The following ERO1B variants were observed in gnomAD, a reference collection of about 807,000 sequenced individuals.
ERO1B encodes endoplasmic reticulum oxidoreductase 1 beta.
ERO1B carries 49 observed loss-of-function variants against 75.3 expected under a neutral mutation model. The ratio of observed to expected loss-of-function variants is 0.65; its 90% CI spans 0.52 to 0.83. The LOEUF is 0.83. Among genes scored for constraint, ERO1B ranks in the 40% least tolerant of loss-of-function variants. The pLI, the probability that ERO1B is intolerant of heterozygous loss-of-function variation, is 0.00. For missense variants in ERO1B, 512 were observed against 560.1 expected, an observed-to-expected ratio of 0.91 and a Z score of 0.87; for synonymous variants, 191 against 192.9, an observed-to-expected ratio of 0.99 and a Z score of 0.08.
intron 2 of ERO1B, among the ~76,000 whole-genome samples, chr1:236,253,713 A>G (rs564606821): frequency 6.6e-6 from 1 of 152,344 alleles, no homozygotes; most frequent in Non-Finnish European, 1.5e-5. Context: ...GAAAGCATTT[A>G]GAACTACTTG....
At position 236,258,149 on chromosome 1, in the gene ERO1B, C is replaced by CAA. The variant is rs58531434; in HGVS notation, c.223-4646_223-4645dup. 9.3e-5 allele frequency among the ~76,000 whole-genome samples: 9 copies of CAA among 96,570 alleles called. 1 individual carries two copies. Among genetic ancestry groups the CAA allele is most frequent in the African/African-American group, 4.3e-4 (9 of 21,016 alleles). The allele number at this position is 96,570 out of a possible 152,430, so 63.4% of individuals were successfully genotyped here. A position where few individuals can be genotyped will look rare whatever the true frequency, so the allele number is the denominator to read the frequency against. On this transcript the variant is annotated intron_variant, in intron 2 of 15. Transcript: ENST00000354619. ...AGAAAGAAAAAAAAGAAAAACAAAGCAAAAAAAAAAAAAACCCAGCCAGAT... is the reference window on the plus strand; with the variant it reads ...AGAAAGAAAAAAAAGAAAAACAAAGCAAAAAAAAAAAAAAAACCCAGCCAGAT...
intron 1 of ERO1B, among the ~76,000 whole-genome samples, chr1:236,273,230 G>A (rs1292366559): frequency 6.6e-6 from 1 of 152,104 alleles, no homozygotes; most frequent in Non-Finnish European, 1.5e-5. Flanking sequence ...GAATAAAGAG[G>A]TCATAAGCCA....
Position 236,216,408 on chromosome 1 carries a change from AAC to A in ERO1B, c.*2106_*2107del, listed in dbSNP as rs1281036310. The A allele has an allele frequency of 6.6e-6, 1 of 152,190 alleles. No homozygotes were observed. Among genetic ancestry groups the A allele is most frequent in the African/African-American group, 2.4e-5 (1 of 41,464 alleles). 9.4% of individuals were successfully genotyped at this position (152,190 alleles called of 1,614,324 possible). A position where few individuals can be genotyped will look rare whatever the true frequency, so the allele number is the denominator to read the frequency against. ...CTCACACAATCATTTAAGAAATAAA[AAC>A]ACATACACAAAAATGTAGGCTGCCC... On this transcript the variant is annotated 3_prime_UTR_variant, in exon 16 of 16. Transcript: ENST00000354619.
intron 2 of ERO1B, among the ~76,000 whole-genome samples, chr1:236,258,149 C>CAAAAAAAAAAAAAAA (rs58531434): frequency 5.2e-5 from 5 of 96,572 alleles, no homozygotes; most frequent in African/African-American, 9.5e-5. Flanking sequence ...AAAAACAAAG[C>CAAAAAAAAAAAAAAA]AAAAAAAAAA....
In ERO1B at chr1:236,281,859, A is replaced by C; in HGVS notation, c.-76T>G. ...CGACGGGCGGCCCAGGCGACGACCC[A>C]AGGGGACGGTTCCCAGCGGCCGAGC... On this transcript the variant is annotated 5_prime_UTR_variant, in exon 1 of 16. Coordinates refer to ENST00000354619, the MANE Select transcript of ERO1B (RefSeq NM_019891.4). 4.5e-6 allele frequency: 5 copies of C among 1,115,472 alleles called. No individual in the cohort carries two copies. The highest frequency in any genetic ancestry group is 5.9e-6 in the Non-Finnish European group (5 of 851,484). 69.1% of individuals were successfully genotyped at this position (1,115,472 alleles called of 1,614,324 possible).
intron 6 of ERO1B, among the ~76,000 whole-genome samples, chr1:236,241,669 T>A (rs531007140): frequency 6.6e-6 from 1 of 151,888 alleles, no homozygotes; most frequent in African/African-American, 2.4e-5. Flanking sequence ...AATATAAAAA[T>A]AATTGATTTT....
At chr1:236,272,383 T>TA (rs1665612089) in intron 1 of ERO1B, among the ~76,000 whole-genome samples, 1 of 151,840 alleles carries the variant, frequency 6.6e-6, no homozygotes, top group Admixed American at 6.6e-5. Context: ...GTAGCCATTT[T>TA]AAAAAAATGA....
chr1:236,235,688 A>T, intron 8 of ERO1B, 101 bp downstream of exon 8: 2 of 1,046,056 alleles, frequency 1.9e-6, no homozygotes, highest in Non-Finnish European at 2.8e-6. Flanking sequence ...CATTCAAATT[A>T]AACAAAATAT....
chr1:236,233,273 C>T (rs1183858424), intron 8 of ERO1B, among the ~76,000 whole-genome samples: 1 of 149,880 alleles, frequency 6.7e-6, no homozygotes, highest in Non-Finnish European at 1.5e-5. Flanking sequence ...CGCGCCATTG[C>T]ACTCCAGCCT....
chr1:236,279,088 G>A (rs759696124), intron 1 of ERO1B, among the ~76,000 whole-genome samples: 1 of 152,184 alleles, frequency 6.6e-6, no homozygotes, highest in Non-Finnish European at 1.5e-5. Context: ...CCACATTAGG[G>A]CTCCACTGTA....
intron 2 of ERO1B, among the ~76,000 whole-genome samples, chr1:236,256,638 G>A (rs1527281): frequency 0.25 from 37,717 of 152,034 alleles, 4,869 homozygotes; most frequent in East Asian, 0.38. Context: ...CTGCTAGGGG[G>A]GCATGAGACC....
intron 6 of ERO1B, among the ~76,000 whole-genome samples, chr1:236,241,997 G>T (rs1009158520): frequency 6.6e-6 from 1 of 151,688 alleles, no homozygotes; most frequent in Admixed American, 6.6e-5. Context: ...GAACCTGGGG[G>T]GCGGAGCTTG....
rs202058131 is a variant in ERO1B at position 236,240,392 on chromosome 1, T to TA, written c.505+3029dup. Among the ~76,000 whole-genome samples the TA allele has an allele frequency of 5.7e-3, 871 of 152,078 alleles. 11 individuals carry two copies. The highest frequency in any genetic ancestry group is 0.018 in the African/African-American group (767 of 41,480). On this transcript the variant is annotated intron_variant, in intron 6 of 15. Transcript: ENST00000354619. ...GCAAGCTCTTTGCTACGGTCACAGA[T>TA]AAAAAAATACTGTATTATAGACTCA...
At chr1:236,245,304 A>ATATGTGTGTATG (rs1212199891) in intron 5 of ERO1B, among the ~76,000 whole-genome samples, 10 of 20,818 alleles carry the variant, frequency 4.8e-4, no homozygotes, top group Admixed American at 9.5e-4. Context: ...CAAAATATAT[A>ATATGTGTGTATG]TATATATATA....
intron 10 of ERO1B, 60 bp from the exon 11 acceptor site, chr1:236,226,799 C>G (rs1664290811): frequency 7.8e-7 from 1 of 1,283,364 alleles, no homozygotes; most frequent in Non-Finnish European, 1.1e-6. Flanking sequence ...AATATTGACT[C>G]AAGGAGGTTC....
chr1:236,278,960 T>C (rs763044370), intron 1 of ERO1B, among the ~76,000 whole-genome samples: 24 of 152,348 alleles, frequency 1.6e-4, no homozygotes, highest in Non-Finnish European at 2.6e-4. Context: ...CAATTTATTA[T>C]ATGGATGAAG....
At chr1:236,249,482 A>AAC (rs1182391642) in intron 5 of ERO1B, among the ~76,000 whole-genome samples, 1 of 152,170 alleles carries the variant, frequency 6.6e-6, no homozygotes, top group African/African-American at 2.4e-5. Context: ...AGGAAAAGTT[A>AAC]ACAGAAAAAA....
intron 2 of ERO1B, among the ~76,000 whole-genome samples, chr1:236,265,796 A>G (rs1665422103): frequency 6.6e-6 from 1 of 152,170 alleles, no homozygotes; most frequent in African/African-American, 2.4e-5. Flanking sequence ...CTGCCTATTC[A>G]ACACACCAAG....
intron 2 of ERO1B, among the ~76,000 whole-genome samples, chr1:236,257,560 C>CAAAAAAAAAAAAAAAA (rs57151086): frequency 9.3e-4 from 116 of 125,390 alleles, no homozygotes; most frequent in Admixed American, 5.4e-3. Context: ...AAATATGCTC[C>CAAAAAAAAAAAAAAAA]AAAAAAAAAA....
Sources: gnomAD v4.1 joint callset for allele counts (sites outside exome capture counted in the v4.1 genomes callset) on GRCh38, gnomAD v4.1.1 for gene constraint, MANE v1.5 for transcripts, NCBI Gene and HGNC (gene_info 2026-07-23, HGNC 2026-07-21) for gene names.